PBX1: variants seen among roughly 807,000 people sequenced by gnomAD.
PBX1 encodes pre-B-cell leukemia transcription factor 1.
A neutral mutation model predicts 53.4 loss-of-function variants in PBX1; 6 were observed. That is an observed-to-expected ratio of 0.11 (90% CI 0.06 to 0.22). The LOEUF is 0.22. Ranked by LOEUF, PBX1 falls within the 10% of genes least tolerant of loss-of-function variation. The pLI, the probability that PBX1 is intolerant of heterozygous loss-of-function variation, is 1.00. For synonymous variants in PBX1, 204 were observed against 212.3 expected, an observed-to-expected ratio of 0.96 and a Z score of 0.34; for missense variants, 251 against 551.4, an observed-to-expected ratio of 0.46 and a Z score of 5.46.
intron 2 of PBX1, among the ~76,000 whole-genome samples, chr1:164,581,323 G>A (rs559123971): frequency 6.6e-6 from 1 of 151,726 alleles, no homozygotes; most frequent in African/African-American, 2.4e-5. Flanking sequence ...CGCCTCTCGG[G>A]TTCAAGTGAT....
At position 164,859,315 on chromosome 1, in the gene PBX1, C is replaced by T. The variant is rs74526758; in HGVS notation, n.257+27832C>T. On this transcript the variant is annotated intron_variant and non_coding_transcript_variant, in intron 2 of 2. Coordinates refer to the PBX1 transcript ENST00000558796. Reference sequence around the variant, plus strand: ...AGTGGCCCCTGGAGAGCCCTGAATTCCTGCATAGCCATATGGACTGGGAGC... The same window carrying T: ...AGTGGCCCCTGGAGAGCCCTGAATTTCTGCATAGCCATATGGACTGGGAGC... Among the ~76,000 whole-genome samples the T allele has an allele frequency of 6.8e-4, 104 of 152,296 alleles. No homozygotes were observed. In the East Asian group the frequency reaches 0.019, roughly 27 times the overall value.
intron 2 of PBX1, among the ~76,000 whole-genome samples, chr1:164,752,206 TTGTGTGTGTGTGTGTGTGTGTG>T (rs10629820): frequency 1.4e-5 from 2 of 143,026 alleles, no homozygotes; most frequent in East Asian, 2.1e-4. Flanking sequence ...CTTTAAGGTT[TTGTGTGTGTGTGTGTGTGTGTG>T]TGTGTGTGTG....
intron 2 of PBX1, among the ~76,000 whole-genome samples, chr1:164,872,397 C>A (rs998979617): frequency 6.6e-6 from 1 of 152,232 alleles, no homozygotes; most frequent in East Asian, 1.9e-4. Flanking sequence ...TTTTCCATCA[C>A]AAGGGATCTA....
In PBX1 at chr1:164,617,443, A is replaced by G. The variant is rs1307416825; in HGVS notation, c.265+54132A>G. On this transcript the variant is annotated intron_variant, in intron 2 of 8. Transcript: ENST00000420696. The stretch of plus-strand genomic sequence containing the variant: ...GGGATCAGACATTATTGCCATGTAT[A>G]GTAGTTTAAAACAGCATTTCTTGGT... Among the ~76,000 whole-genome samples the G allele has an allele frequency of 2.0e-5, 3 of 152,354 alleles. No homozygotes were observed. In the East Asian group the frequency reaches 5.8e-4, roughly 29 times the overall value.
intron 2 of PBX1, chr1:164,774,555 A>G (rs1448569330): frequency 6.6e-6 from 1 of 152,198 alleles, no homozygotes; most frequent in Non-Finnish European, 1.5e-5. Flanking sequence ...GCTGTGTACT[A>G]CAGACAATGC....
At chr1:164,821,477 G>A in intron 7 of PBX1, 60 bp from the exon 8 acceptor site, 1 of 1,271,680 alleles carries the variant, frequency 7.9e-7, no homozygotes, top group Non-Finnish European at 1.2e-6. Context: ...ATGATGATCT[G>A]CCTCCCTTTT....
chr1:164,811,911 C>T (rs958713571), intron 5 of PBX1, 79 bp from the exon 6 acceptor site: 2 of 1,268,090 alleles, frequency 1.6e-6, no homozygotes, highest in African/African-American at 3.0e-5. Flanking sequence ...TCACCTCTCC[C>T]ATAAAGCCTT....
At chr1:164,866,621 A>T (rs984678209) in intron 2 of PBX1, among the ~76,000 whole-genome samples, 1 of 152,240 alleles carries the variant, frequency 6.6e-6, no homozygotes, top group African/African-American at 2.4e-5. Flanking sequence ...TGTAGGCACT[A>T]TCCCTTATCT....
chr1:164,882,938 C>T (rs1005731909), intron 2 of PBX1, among the ~76,000 whole-genome samples: 1 of 152,182 alleles, frequency 6.6e-6, no homozygotes, highest in Non-Finnish European at 1.5e-5. Flanking sequence ...AGAACGTTAA[C>T]TGTTTTCTCT....
At chr1:164,809,844 C>G (rs1387987451) in intron 5 of PBX1, among the ~76,000 whole-genome samples, 2 of 152,148 alleles carry the variant, frequency 1.3e-5, no homozygotes, top group African/African-American at 4.8e-5. Context: ...CAGAGCTACT[C>G]TAAGTGTGAT....
intron 2 of PBX1, among the ~76,000 whole-genome samples, chr1:164,637,669 G>A (rs1192469407): frequency 1.3e-5 from 2 of 152,232 alleles, no homozygotes; most frequent in East Asian, 1.9e-4. Flanking sequence ...TTTGCCCTCA[G>A]TGAGGAGAGG....
At chr1:164,874,135 C>A (rs920455277) in intron 2 of PBX1, among the ~76,000 whole-genome samples, 1 of 152,120 alleles carries the variant, frequency 6.6e-6, no homozygotes, top group African/African-American at 2.4e-5. Flanking sequence ...TCTTCTAGAA[C>A]TGTGAGATGT....
chr1:164,699,484 A>G (rs1020600076), intron 2 of PBX1, among the ~76,000 whole-genome samples: 56 of 152,044 alleles, frequency 3.7e-4, no homozygotes, highest in African/African-American at 1.3e-3. Flanking sequence ...AGAAAAGATG[A>G]CCATAATCTA....
intron 2 of PBX1, chr1:164,702,904 G>T (rs556577936): frequency 6.6e-6 from 1 of 152,180 alleles, no homozygotes; most frequent in African/African-American, 2.4e-5. Flanking sequence ...GAGATACTTT[G>T]TCTATTCTGG....
At chr1:164,641,450 C>G (rs759002885) in intron 2 of PBX1, 1 of 153,156 alleles carries the variant, frequency 6.5e-6, no homozygotes, top group African/African-American at 2.4e-5. Context: ...CTGCCCTCCC[C>G]CTTAGCTAAG....
chr1:164,560,246 G>GTT (rs1160310601), intron 1 of PBX1: 8 of 438,494 alleles, frequency 1.8e-5, no homozygotes, highest in Non-Finnish European at 3.2e-5. Context: ...GTGTGTGTGT[G>GTT]TGAATATAGG....
At chr1:164,588,220 G>T (rs531738757) in intron 2 of PBX1, among the ~76,000 whole-genome samples, 1 of 152,144 alleles carries the variant, frequency 6.6e-6, no homozygotes, top group African/African-American at 2.4e-5. Context: ...AGATACACCC[G>T]CCTGTAGAGC....
chr1:164,759,200 C>T (rs1263633791), intron 2 of PBX1, among the ~76,000 whole-genome samples: 1 of 152,172 alleles, frequency 6.6e-6, no homozygotes, highest in Non-Finnish European at 1.5e-5. Flanking sequence ...TCTCAAGTAC[C>T]TTAACAATCT....
intron 2 of PBX1, among the ~76,000 whole-genome samples, chr1:164,611,463 C>T (rs1251014385): frequency 3.3e-5 from 5 of 152,130 alleles, no homozygotes; most frequent in Admixed American, 3.3e-4. Context: ...TGGTCTCGAT[C>T]TCCTGACCTC....
Sources: gnomAD v4.1 joint callset for allele counts (sites outside exome capture counted in the v4.1 genomes callset) on GRCh38, gnomAD v4.1.1 for gene constraint, MANE v1.5 for transcripts, NCBI Gene and HGNC (gene_info 2026-07-23, HGNC 2026-07-21) for gene names.